MLLT10: variants seen among roughly 807,000 people sequenced by gnomAD.
MLLT10 encodes the protein protein AF-10.
MLLT10 carries 30 observed loss-of-function variants against 129.1 expected under a neutral mutation model. That is an observed-to-expected ratio of 0.23 (90% CI 0.17 to 0.32). The LOEUF (loss-of-function observed/expected upper bound fraction) is 0.32. Ranked by LOEUF, MLLT10 falls within the 10% of genes least tolerant of loss-of-function variation. The pLI, the probability that MLLT10 is intolerant of heterozygous loss-of-function variation, is 1.00. For synonymous variants in MLLT10, 490 were observed against 446.4 expected (o/e 1.10, Z -1.23); for missense variants, 1,119 against 1,268.3 (o/e 0.88, Z 1.79).
At chr10:21,725,896 G>A (rs900874486) in intron 14 of MLLT10, among the ~76,000 whole-genome samples, 3 of 151,172 alleles carry the variant, frequency 2.0e-5, no homozygotes, top group Non-Finnish European at 4.4e-5. Flanking sequence ...GACTACAGGC[G>A]CCCGCCACCA....
At chr10:21,613,692 CAGG>C (rs991741718) in intron 6 of MLLT10, among the ~76,000 whole-genome samples, 101 of 151,102 alleles carry the variant, frequency 6.7e-4, no homozygotes, top group African/African-American at 2.4e-3. Context: ...TGCCTGAGCT[CAGG>C]AGTTCAGAGC....
At chr10:21,688,758 G>A (rs1330506839) in intron 13 of MLLT10, among the ~76,000 whole-genome samples, 1 of 152,092 alleles carries the variant, frequency 6.6e-6, no homozygotes, top group African/African-American at 2.4e-5. Context: ...TTCAGACTTG[G>A]TAGGTAGATC....
intron 17 of MLLT10, among the ~76,000 whole-genome samples, chr10:21,731,466 C>T (rs904840188): frequency 1.3e-5 from 2 of 152,096 alleles, no homozygotes; most frequent in South Asian, 2.1e-4. Flanking sequence ...TGTGTCTCCA[C>T]TGTACTTTGT....
Position 21,555,675 on chromosome 10 carries a change from A to AATTTTTTTTTTTTT in MLLT10, c.240+16763_240+16764insATTTTTTTTTTTTT, listed in dbSNP as rs1554788897. 1.5e-5 allele frequency among the ~76,000 whole-genome samples: 2 copies of AATTTTTTTTTTTTT among 132,774 alleles called. 1 individual carries two copies. 87.1% of individuals were successfully genotyped at this position (132,774 alleles called of 152,430 possible). On this transcript the variant is annotated intron_variant, in intron 3 of 22. Transcript: ENST00000307729. ...TCAGCCTTGATTCAAATGTAAGACAATTTTTTTTTTTTTTTTTTTGAGAGG... is the reference window on the plus strand; with the variant it reads ...TCAGCCTTGATTCAAATGTAAGACAAATTTTTTTTTTTTTTTTTTTTTTTTTTTTTTTTGAGAGG...
chr10:21,704,027 T>TTG (rs1345868980), intron 13 of MLLT10, among the ~76,000 whole-genome samples: 3 of 137,514 alleles, frequency 2.2e-5, no homozygotes, highest in East Asian at 2.1e-4. Context: ...TTTTTTTTTT[T>TTG]TTTTTTTTTT....
intron 5 of MLLT10, among the ~76,000 whole-genome samples, chr10:21,599,611 C>G (rs965941895): frequency 9.2e-5 from 14 of 152,044 alleles, no homozygotes; most frequent in Admixed American, 3.9e-4. Flanking sequence ...GTCACCCAGG[C>G]TGGAGTGCAG....
chr10:21,655,419 T>G (rs1022486126), intron 9 of MLLT10, among the ~76,000 whole-genome samples: 3 of 152,214 alleles, frequency 2.0e-5, no homozygotes, highest in Admixed American at 6.5e-5. Context: ...AGACAATTTG[T>G]AAACAAGCGG....
At chr10:21,544,261 T>C (rs1322629310) in intron 3 of MLLT10, among the ~76,000 whole-genome samples, 2 of 152,214 alleles carry the variant, frequency 1.3e-5, no homozygotes, top group African/African-American at 4.8e-5. Flanking sequence ...GCTCCTGATA[T>C]TTTCCATCTC....
At chr10:21,625,201 A>T (rs928636965) in intron 8 of MLLT10, 1 of 1,487,152 alleles carries the variant, frequency 6.7e-7, no homozygotes, top group East Asian at 2.3e-5. Flanking sequence ...AGGCCTGTCT[A>T]GCAGCTTGGC....
At chr10:21,709,330 C>T (rs960259087) in intron 13 of MLLT10, among the ~76,000 whole-genome samples, 1 of 151,734 alleles carries the variant, frequency 6.6e-6, no homozygotes, top group Non-Finnish European at 1.5e-5. Context: ...CTCCGCCTCT[C>T]AAGTGATTCT....
intron 3 of MLLT10, among the ~76,000 whole-genome samples, chr10:21,565,826 G>A (rs1485384284): frequency 6.6e-6 from 1 of 150,730 alleles, no homozygotes; most frequent in African/African-American, 2.4e-5. Flanking sequence ...GCCTGGTCTC[G>A]AACTCCTGGG....
At chr10:21,631,084 G>A (rs897524462) in intron 8 of MLLT10, among the ~76,000 whole-genome samples, 2 of 152,050 alleles carry the variant, frequency 1.3e-5, no homozygotes, top group African/African-American at 4.8e-5. Context: ...GCCGAGGTGG[G>A]CGGATCACAA....
At chr10:21,676,582 G>A (rs2052152109) in intron 11 of MLLT10, among the ~76,000 whole-genome samples, 2 of 150,132 alleles carry the variant, frequency 1.3e-5, no homozygotes, top group African/African-American at 2.4e-5. Flanking sequence ...TTAGCTAGAC[G>A]TGGTGGCACG....
intron 13 of MLLT10, chr10:21,688,558 A>G: frequency 6.2e-7 from 1 of 1,604,866 alleles, no homozygotes; most frequent in Non-Finnish European, 8.5e-7. Context: ...AAACTCCAGC[A>G]TGGTTCTAAA....
At chr10:21,652,882 A>AATACAT (rs2049186225) in intron 9 of MLLT10, among the ~76,000 whole-genome samples, 1 of 152,190 alleles carries the variant, frequency 6.6e-6, no homozygotes, top group South Asian at 2.1e-4. Context: ...TCAGATTCTG[A>AATACAT]ATACATACAA....
chr10:21,651,912 T>C (rs1016056825), intron 9 of MLLT10, 144 bp downstream of exon 9: 11 of 522,472 alleles, frequency 2.1e-5, no homozygotes, highest in Non-Finnish European at 3.3e-5. Flanking sequence ...TCTTTTTTTT[T>C]TTTTTTTTTT....
At chr10:21,673,114 A>T (rs375388652) in intron 10 of MLLT10, among the ~76,000 whole-genome samples, 2 of 152,300 alleles carry the variant, frequency 1.3e-5, no homozygotes, top group East Asian at 3.9e-4. Context: ...ATAGCTTGCA[A>T]TTCCACAGTA....
In MLLT10 at chr10:21,740,203, C is replaced by T. The variant is rs769437274; in HGVS notation, c.3129C>T (p.Thr1043=). 6.2e-7 allele frequency: 1 copy of T among 1,614,162 alleles called. No homozygotes were observed. The highest frequency in any genetic ancestry group is 8.5e-7 in the Non-Finnish European group (1 of 1,180,028). The stretch of plus-strand genomic sequence containing the variant: ...CAGCTACCACCAACCCATTTCTCAC[C>T]ATCCATGGAGATAATGCAAGTCAGA... ...LHTATTNPFL[T]IHGDNASQKV... The change falls in exon 22 of 23, where the codon ACC becomes ACT. Residue 1043 remains threonine, a synonymous_variant. Coordinates refer to ENST00000307729, the MANE Select transcript of MLLT10 (RefSeq NM_001195626.3).
chr10:21,720,624 A>G (rs779996475), intron 14 of MLLT10, among the ~76,000 whole-genome samples: 10 of 152,214 alleles, frequency 6.6e-5, no homozygotes, highest in Non-Finnish European at 1.2e-4. Flanking sequence ...CAGCATTGCT[A>G]TATTATCAAA....
Sources: gnomAD v4.1 joint callset for allele counts (sites outside exome capture counted in the v4.1 genomes callset) on GRCh38, gnomAD v4.1.1 for gene constraint, MANE v1.5 for transcripts, NCBI Gene and HGNC (gene_info 2026-07-23, HGNC 2026-07-21) for gene names.